The following CDH4 variants were observed in gnomAD, a reference collection of about 807,000 sequenced individuals.
The protein encoded by CDH4 is cadherin-4.
CDH4 carries 33 observed loss-of-function variants against 86.0 expected under a neutral mutation model. That is an observed-to-expected ratio of 0.38 (90% CI 0.29 to 0.51). The LOEUF is 0.51. CDH4 is among the 20% of genes least tolerant of loss of function. The pLI, the probability that CDH4 is intolerant of heterozygous loss-of-function variation, is 0.86. For missense variants in CDH4, 1,114 were observed against 1,307.4 expected (o/e 0.85, Z 2.28); for synonymous variants, 555 against 549.4 (o/e 1.01, Z -0.14).
intron 2 of CDH4, among the ~76,000 whole-genome samples, chr20:61,338,708 G>T (rs117319426): frequency 0.047 from 7,214 of 152,188 alleles, 217 homozygotes; most frequent in Middle Eastern, 0.082. Context: ...ATTTAAATTA[G>T]AATTAAAAAG....
At position 61,849,089 on chromosome 20, in the gene CDH4, G is replaced by A. The variant is rs575546669; in HGVS notation, c.733-3665G>A. Among the ~76,000 whole-genome samples, 6 of 152,232 alleles carry A rather than the reference G, an allele frequency of 3.9e-5. 1 individual carries two copies. The highest frequency in any genetic ancestry group is 1.4e-4 in the African/African-American group (6 of 41,538). On this transcript the variant is annotated intron_variant, in intron 5 of 15. Transcript: ENST00000614565. ...GACTGCAGAGTCAGCAGGAGATGCA[G>A]GGCCCAGAAGGGAGAAGAAGCTGCA...
chr20:61,805,445 G>A (rs965600862), intron 4 of CDH4, among the ~76,000 whole-genome samples: 1 of 152,226 alleles, frequency 6.6e-6, no homozygotes, highest in Non-Finnish European at 1.5e-5. Context: ...ATAAAGGCCA[G>A]CAAGGGTCAG....
intron 2 of CDH4, among the ~76,000 whole-genome samples, chr20:61,674,357 C>T (rs964695812): frequency 1.3e-5 from 2 of 152,172 alleles, no homozygotes; most frequent in African/African-American, 2.4e-5. Flanking sequence ...CAGACCAGGG[C>T]CCTTGTGGAA....
chr20:61,345,233 T>C (rs2123289250), intron 2 of CDH4, among the ~76,000 whole-genome samples: 1 of 152,332 alleles, frequency 6.6e-6, no homozygotes, highest in South Asian at 2.1e-4. Flanking sequence ...CCTTCATCTG[T>C]AAAAGTCATA....
At chr20:61,449,466 T>G (rs2085368750) in intron 2 of CDH4, among the ~76,000 whole-genome samples, 1 of 152,236 alleles carries the variant, frequency 6.6e-6, no homozygotes, top group Non-Finnish European at 1.5e-5. Context: ...CTAGTCTCTC[T>G]CCGTAGCCTG....
intron 2 of CDH4, among the ~76,000 whole-genome samples, chr20:61,714,018 CTTTTTTTATTTTATT>C (rs1278693894): frequency 1.5e-5 from 2 of 129,638 alleles, no homozygotes; most frequent in African/African-American, 3.5e-5. Flanking sequence ...ATTGTCTATT[CTTTTTTTATTTTATT>C]TTATTTTATT....
intron 4 of CDH4, among the ~76,000 whole-genome samples, chr20:61,786,256 C>G (rs1045556707): frequency 1.2e-4 from 18 of 152,140 alleles, no homozygotes; most frequent in Non-Finnish European, 2.4e-4. Context: ...TGGCCCCAGG[C>G]AGGAGGGGCG....
intron 8 of CDH4, among the ~76,000 whole-genome samples, chr20:61,903,770 G>A (rs1290980529): frequency 4.6e-5 from 7 of 152,046 alleles, no homozygotes; most frequent in Non-Finnish European, 8.8e-5. Context: ...TGGTGACCTC[G>A]GGCAGGTTGC....
At chr20:61,637,576 T>C (rs1177828426) in intron 2 of CDH4, among the ~76,000 whole-genome samples, 1 of 152,248 alleles carries the variant, frequency 6.6e-6, no homozygotes, top group East Asian at 1.9e-4. Context: ...GAATTTCACC[T>C]TCCTTTTTTT....
chr20:61,259,821 G>C (rs1399206400), intron 2 of CDH4, among the ~76,000 whole-genome samples: 1 of 152,216 alleles, frequency 6.6e-6, no homozygotes, highest in Non-Finnish European at 1.5e-5. Flanking sequence ...AGTCTATTAG[G>C]TTAGGCTTTG....
At chr20:61,340,863 G>A (rs1265230722) in intron 2 of CDH4, among the ~76,000 whole-genome samples, 1 of 152,200 alleles carries the variant, frequency 6.6e-6, no homozygotes, top group African/African-American at 2.4e-5. Flanking sequence ...ATATTGGGGT[G>A]CAAATAAGTA....
chr20:61,839,518 GTGTA>G (rs1369393842), intron 4 of CDH4, among the ~76,000 whole-genome samples: 1 of 116,442 alleles, frequency 8.6e-6, no homozygotes, highest in Admixed American at 8.4e-5. Context: ...TGTGTGTTGT[GTGTA>G]TGTGTGTTTG....
intron 2 of CDH4, among the ~76,000 whole-genome samples, chr20:61,610,923 G>A (rs960163018): frequency 7.3e-5 from 11 of 151,220 alleles, no homozygotes; most frequent in East Asian, 1.9e-4. Context: ...TAAGGGTGCT[G>A]GAGCTGTGTG....
In CDH4 at chr20:61,655,035, G is replaced by T. The variant is rs151085585; in HGVS notation, c.170-88528G>T. Among the ~76,000 whole-genome samples the T allele has an allele frequency of 6.0e-3, 910 of 152,376 alleles. 41 individuals carry two copies. The highest frequency in any genetic ancestry group is 0.056 in the Admixed American group (863 of 15,302). On this transcript the variant is annotated intron_variant, in intron 2 of 15. Coordinates refer to ENST00000614565, the MANE Select transcript of CDH4 (RefSeq NM_001794.5). The stretch of plus-strand genomic sequence containing the variant: ...GGAGGCGACACTGGGTCCCAGGGTG[G>T]AATTTCAGTGTCTTCATCTGAGTCA...
At chr20:61,508,963 A>G (rs567664095) in intron 2 of CDH4, among the ~76,000 whole-genome samples, 2 of 152,242 alleles carry the variant, frequency 1.3e-5, no homozygotes, top group East Asian at 1.9e-4. Context: ...TCAGGGCAGG[A>G]GCAGCTTCTC....
chr20:61,914,930 G>A (rs865867563), intron 9 of CDH4, among the ~76,000 whole-genome samples: 45 of 152,194 alleles, frequency 3.0e-4, no homozygotes, highest in Middle Eastern at 3.4e-3. Context: ...AACTAGTGCC[G>A]TCCCTATTTC....
chr20:61,749,212 T>TA (rs1299019636), intron 3 of CDH4, among the ~76,000 whole-genome samples: 2 of 152,168 alleles, frequency 1.3e-5, no homozygotes, highest in Admixed American at 1.3e-4. Context: ...TAATATGACT[T>TA]CAAAATATTT....
intron 2 of CDH4, among the ~76,000 whole-genome samples, chr20:61,354,393 A>G (rs1475005461): frequency 2.0e-5 from 3 of 152,138 alleles, no homozygotes; most frequent in African/African-American, 7.2e-5. Flanking sequence ...TTTCCTGACA[A>G]GGGCTCTCGA....
At chr20:61,588,604 G>A (rs2086495571) in intron 2 of CDH4, among the ~76,000 whole-genome samples, 1 of 152,160 alleles carries the variant, frequency 6.6e-6, no homozygotes, top group Non-Finnish European at 1.5e-5. Flanking sequence ...GTGGCCTTTG[G>A]CTTTCTCACC....
Sources: gnomAD v4.1 joint callset for allele counts (sites outside exome capture counted in the v4.1 genomes callset) on GRCh38, gnomAD v4.1.1 for gene constraint, MANE v1.5 for transcripts, NCBI Gene and HGNC (gene_info 2026-07-23, HGNC 2026-07-21) for gene names.